Variants in ABCA10 observed in about 807,000 individuals in gnomAD.
ABCA10 encodes the protein ATP binding cassette subfamily A member 10.
A neutral mutation model predicts 187.5 loss-of-function variants in ABCA10; 169 were observed. The observed-to-expected ratio is 0.90, with a 90% CI of 0.80 to 1.02. The LOEUF is 1.02. Among genes scored for constraint, ABCA10 ranks in the 50% least tolerant of loss-of-function variants. ABCA10 has a pLI of 0.00. For missense variants in ABCA10, 1,727 were observed against 1,812.4 expected, an observed-to-expected ratio of 0.95 and a Z score of 0.86; for synonymous variants, 574 against 601.8, an observed-to-expected ratio of 0.95 and a Z score of 0.68.
chr17:69,201,669 CTAAT>C lies in ABCA10; in HGVS notation c.1007-5_1007-2del, dbSNP rs2074546459. The C allele has an allele frequency of 1.3e-6, 2 of 1,593,634 alleles. No homozygotes were observed. The highest frequency in any genetic ancestry group is 1.2e-5 in the South Asian group (1 of 86,900). On this transcript the variant is annotated splice_acceptor_variant and splice_polypyrimidine_tract_variant and intron_variant, in intron 9 of 38. Coordinates refer to ENST00000690296, the MANE Select transcript of ABCA10 (RefSeq NM_001377321.1). LOFTEE classifies it high-confidence loss of function. ...GGAGAATCCCCATGGCCATCTTTAT[CTAAT>C]TAATTAAGATACAATTACATATTGC...
intron 22 of ABCA10, 151 bp downstream of exon 22, chr17:69,182,002 T>G (rs113961847): frequency 1.6e-6 from 1 of 634,548 alleles, no homozygotes; most frequent in Non-Finnish European, 2.3e-6. Flanking sequence ...GCTCCCTACT[T>G]TGCAGATGAA....
At chr17:69,150,404 A>G in intron 36 of ABCA10, 1 of 171,722 alleles carries the variant, frequency 5.8e-6, no homozygotes, top group Non-Finnish European at 1.2e-5. Flanking sequence ...CCTCTCTCAT[A>G]GGAGAGATTG....
intron 16 of ABCA10, among the ~76,000 whole-genome samples, chr17:69,192,143 T>G (rs1308183373): frequency 6.6e-6 from 1 of 152,164 alleles, no homozygotes; most frequent in Non-Finnish European, 1.5e-5. Flanking sequence ...GCCAACATGG[T>G]GAAACCCCAT....
chr17:69,243,006 G>C (rs2074914575), intron 1 of ABCA10, among the ~76,000 whole-genome samples: 1 of 152,064 alleles, frequency 6.6e-6, no homozygotes, highest in Admixed American at 6.6e-5. Flanking sequence ...GCAGATCCAG[G>C]TTCTATGCTT....
chr17:69,219,324 C>T (rs777951176), intron 6 of ABCA10, among the ~76,000 whole-genome samples: 48 of 152,168 alleles, frequency 3.2e-4, no homozygotes, highest in Non-Finnish European at 5.6e-4. Flanking sequence ...CGGCATTTTT[C>T]GGGCAATATG....
intron 22 of ABCA10, among the ~76,000 whole-genome samples, chr17:69,179,644 C>T (rs994826952): frequency 6.6e-6 from 1 of 152,184 alleles, no homozygotes; most frequent in African/African-American, 2.4e-5. Context: ...AAGGTACCCT[C>T]TATCAGACTG....
At chr17:69,153,192 T>G in intron 34 of ABCA10, 113 bp downstream of exon 34, 1 of 1,263,232 alleles carries the variant, frequency 7.9e-7, no homozygotes, top group Non-Finnish European at 1.1e-6. Context: ...ATAGAAGATG[T>G]GCACATCAAA....
chr17:69,192,855 G>A (rs1477759272), intron 15 of ABCA10, among the ~76,000 whole-genome samples: 3 of 152,130 alleles, frequency 2.0e-5, no homozygotes, highest in Non-Finnish European at 4.4e-5. Flanking sequence ...ATTCCCCATA[G>A]CTAATCCAGT....
rs749555660 is a variant in ABCA10 at position 69,215,810 on chromosome 17, C to T, written c.858+5G>A. The T allele has an allele frequency of 3.3e-6, 5 of 1,515,718 alleles. No individual in the cohort carries two copies. Among genetic ancestry groups the T allele is most frequent in the Non-Finnish European group, 4.4e-6 (5 of 1,137,824 alleles). 93.9% of individuals were successfully genotyped at this position (1,515,718 alleles called of 1,614,324 possible). A position where few individuals can be genotyped will look rare whatever the true frequency, so the allele number is the denominator to read the frequency against. ...AATAAAATCTTGAAATAATTATGTT[C>T]TTACCTGGGCCATTCCAGCAGTGAA... On this transcript the variant is annotated splice_donor_5th_base_variant and intron_variant, in intron 8 of 38. Coordinates refer to ENST00000690296, the MANE Select transcript of ABCA10 (RefSeq NM_001377321.1).
At chr17:69,165,218 G>A (rs1346532038) in intron 25 of ABCA10, 135 bp from the exon 26 acceptor site, 1 of 740,492 alleles carries the variant, frequency 1.4e-6, no homozygotes, top group East Asian at 2.8e-5. Context: ...ATATTCTTAG[G>A]ATATCCTCTT....
chr17:69,169,015 G>A (rs2074275616), intron 25 of ABCA10, among the ~76,000 whole-genome samples: 2 of 152,104 alleles, frequency 1.3e-5, no homozygotes. Context: ...TTCCTATTGA[G>A]TACTTCATGA....
Position 69,215,820 on chromosome 17 carries a change from C to A in ABCA10, c.853G>T (p.Ala285Ser). ...LSPFAFTAGM[A>S]QITHLDNYLS... ...TGAAATAATTATGTTCTTACCTGGGCCATTCCAGCAGTGAAGGCAAAAGGG... is the reference window on the plus strand; with the variant it reads ...TGAAATAATTATGTTCTTACCTGGGACATTCCAGCAGTGAAGGCAAAAGGG... The change falls in exon 8 of 39, where the codon GCC becomes TCC. Residue 285 changes from alanine to serine, a missense_variant. Ala to Ser is a moderately conservative substitution (Grantham distance 99). Coordinates refer to ENST00000690296, the MANE Select transcript of ABCA10 (RefSeq NM_001377321.1). 6.4e-7 allele frequency: 1 copy of A among 1,566,634 alleles called. No homozygotes were observed. The highest frequency in any genetic ancestry group is 1.2e-5 in the South Asian group (1 of 80,424).
intron 27 of ABCA10, among the ~76,000 whole-genome samples, chr17:69,159,596 C>T (rs887000868): frequency 2.0e-5 from 3 of 151,990 alleles, no homozygotes; most frequent in Non-Finnish European, 2.9e-5. Flanking sequence ...TTCTTCTCTT[C>T]AGAAACAATG....
rs527889836 is a variant in ABCA10 at position 69,201,366 on chromosome 17, G to A, written c.1175+134C>T. 6.4e-5 allele frequency: 51 copies of A among 793,986 alleles called. No individual in the cohort carries two copies. In the Middle Eastern group the frequency reaches 1.6e-3, roughly 25 times the overall value. 49.2% of individuals were successfully genotyped at this position (793,986 alleles called of 1,614,324 possible). ...AGTATTCACTTTGAAAATGGTGAAT[G>A]AGAGGAATTTAGGATGATGGCAGAG... On this transcript the variant is annotated intron_variant, in intron 10 of 38. Transcript: ENST00000690296.
chr17:69,155,502 A>G (rs944545899), intron 29 of ABCA10, among the ~76,000 whole-genome samples: 1 of 152,210 alleles, frequency 6.6e-6, no homozygotes, highest in Non-Finnish European at 1.5e-5. Context: ...ATAATATAAA[A>G]TGTAATTGCA....
chr17:69,180,537 A>C (rs904034299), intron 22 of ABCA10, among the ~76,000 whole-genome samples: 1 of 152,226 alleles, frequency 6.6e-6, no homozygotes, highest in Non-Finnish European at 1.5e-5. Context: ...CTATATTAAA[A>C]GTAAACAATT....
At chr17:69,233,609 T>TGGATG (rs2074845501), upstream of ABCA10, 4 of 152,196 alleles carry the variant, frequency 2.6e-5, no homozygotes, top group African/African-American at 9.7e-5. Flanking sequence ...TTCCTAAATG[T>TGGATG]TCTTGATGCT....
At chr17:69,174,011 C>CA (rs2074315030) in intron 25 of ABCA10, among the ~76,000 whole-genome samples, 1 of 152,064 alleles carries the variant, frequency 6.6e-6, no homozygotes, top group Admixed American at 6.6e-5. Context: ...TCAGCTGTTA[C>CA]ATGCCATGGT....
intron 20 of ABCA10, among the ~76,000 whole-genome samples, chr17:69,184,519 A>C (rs1162164010): frequency 6.6e-6 from 1 of 152,104 alleles, no homozygotes; most frequent in African/African-American, 2.4e-5. Context: ...GCTGGTACCC[A>C]CGGCTGCGAG....
Sources: gnomAD v4.1 joint callset for allele counts (sites outside exome capture counted in the v4.1 genomes callset) on GRCh38, gnomAD v4.1.1 for gene constraint, MANE v1.5 for transcripts, NCBI Gene and HGNC (gene_info 2026-07-23, HGNC 2026-07-21) for gene names.